NOTCH2: variants seen among roughly 807,000 people sequenced by gnomAD.
NOTCH2 encodes neurogenic locus notch homolog protein 2.
A neutral mutation model predicts 235.8 loss-of-function variants in NOTCH2; 29 were observed. The ratio of observed to expected loss-of-function variants is 0.12; its 90% CI spans 0.09 to 0.17. NOTCH2 has a LOEUF of 0.17. NOTCH2 is among the 10% of genes least tolerant of loss of function. The pLI is 1.00. For synonymous variants in NOTCH2, 1,086 were observed against 1,141.5 expected, an observed-to-expected ratio of 0.95 and a Z score of 0.98; for missense variants, 2,285 against 3,150.2, an observed-to-expected ratio of 0.73 and a Z score of 6.57.
chr1:119,959,954 A>G (rs1482371618), intron 11 of NOTCH2, among the ~76,000 whole-genome samples: 1 of 152,248 alleles, frequency 6.6e-6, no homozygotes, highest in African/African-American at 2.4e-5. Context: ...AGTAATGTCT[A>G]CTACTCCATG....
At chr1:119,988,779 C>T (rs1477780549) in intron 4 of NOTCH2, among the ~76,000 whole-genome samples, 8 of 152,172 alleles carry the variant, frequency 5.3e-5, no homozygotes, top group African/African-American at 1.9e-4. Flanking sequence ...TCATCCTCCC[C>T]TAACTCGATC....
intron 32 of NOTCH2, among the ~76,000 whole-genome samples, 169 bp from the exon 33 acceptor site, chr1:119,917,931 ATACTTCAG>A (rs1290863996): frequency 1.3e-5 from 2 of 152,182 alleles, no homozygotes; most frequent in African/African-American, 4.8e-5. Flanking sequence ...TGTTCTAGAA[ATACTTCAG>A]TACAGGCTGC....
At chr1:120,014,168 T>C (rs1256029784) in intron 2 of NOTCH2, among the ~76,000 whole-genome samples, 16 of 152,284 alleles carry the variant, frequency 1.1e-4, no homozygotes, top group East Asian at 3.9e-4. Flanking sequence ...ACAGATGAGG[T>C]TGTGAATACA....
rs1553195619 is a variant in NOTCH2 at position 119,935,477 on chromosome 1, G to A, written c.3650C>T (p.Thr1217Ile). Residue 1217 changes from threonine (T) to isoleucine (I), a missense_variant, in exon 22 of 34, where the codon ACT becomes ATT. Around this residue, in one of 6 missense-constraint regions of NOTCH2, gnomAD observed 1,173 missense variants for 1,515.3 expected, o/e 0.77. Coordinates refer to ENST00000256646, the MANE Select transcript of NOTCH2 (RefSeq NM_024408.4). ...NHFKCSCPPGTRGLLCEENID... is the reference protein window; with the variant it reads ...NHFKCSCPPGIRGLLCEENID... Reference sequence around the variant, plus strand: ...GGATAAGGATGATTTCATACCCCGAGTGCCTGGTGGGCAAGAGCACTTGAA... The same window carrying A: ...GGATAAGGATGATTTCATACCCCGAATGCCTGGTGGGCAAGAGCACTTGAA... The A allele has an allele frequency of 1.9e-6, 3 of 1,614,196 alleles. No individual in the cohort carries two copies. Among genetic ancestry groups the A allele is most frequent in the Non-Finnish European group, 8.5e-7 (1 of 1,180,030 alleles).
intron 22 of NOTCH2, among the ~76,000 whole-genome samples, chr1:119,932,754 A>T (rs188221896): frequency 2.6e-5 from 4 of 152,314 alleles, no homozygotes; most frequent in Non-Finnish European, 5.9e-5. Flanking sequence ...CTATCTTCAG[A>T]GTAAAAAGTA....
At chr1:120,063,395 A>G (rs1553216562) in intron 1 of NOTCH2, among the ~76,000 whole-genome samples, 2 of 151,540 alleles carry the variant, frequency 1.3e-5, no homozygotes, top group South Asian at 2.1e-4. Flanking sequence ...GGCTGAGGAC[A>G]GAATTCTTTA....
intron 5 of NOTCH2, among the ~76,000 whole-genome samples, chr1:119,977,095 G>A (rs1570708992): frequency 6.6e-6 from 1 of 152,190 alleles, no homozygotes; most frequent in South Asian, 2.1e-4. Context: ...GGGGGTAGCT[G>A]TTTACCTCAT....
chr1:120,069,145 G>A (rs1195399936), intron 1 of NOTCH2, 189 bp downstream of exon 1: 18 of 1,527,016 alleles, frequency 1.2e-5, no homozygotes, highest in Non-Finnish European at 1.6e-5. Context: ...GGGAACCCCG[G>A]CGGTTGGCGG....
chr1:119,959,527 C>G (rs1463376835), intron 11 of NOTCH2, 25 bp from the exon 12 acceptor site: 4 of 1,224,356 alleles, frequency 3.3e-6, no homozygotes, highest in Non-Finnish European at 4.8e-6. Flanking sequence ...CCAACGGAAA[C>G]CATTCAATGT....
At chr1:119,944,491 C>T (rs1315116809) in intron 17 of NOTCH2, among the ~76,000 whole-genome samples, 1 of 147,912 alleles carries the variant, frequency 6.8e-6, no homozygotes, top group African/African-American at 2.5e-5. Flanking sequence ...GCCAAGTTCA[C>T]GCCACTGCAC....
rs2101161805 is a variant in NOTCH2 at position 119,925,385 on chromosome 1, G to A, written c.4431C>T (p.Asn1477=). ...SSPLPCWDYI[N]NQCDELCNTV... ...TGTTGCACAGCTCATCACACTGGTT[G>A]TTGATATAATCCCAGCAGGGAAGTG... Residue 1477 remains asparagine (N), a synonymous_variant, in exon 25 of 34, where the codon AAC becomes AAT. Transcript: ENST00000256646. 1 of 1,614,212 alleles carries A rather than the reference G, an allele frequency of 6.2e-7. No individual in the cohort carries two copies. Among genetic ancestry groups the A allele is most frequent in the Non-Finnish European group, 8.5e-7 (1 of 1,180,046 alleles).
intron 19 of NOTCH2, among the ~76,000 whole-genome samples, chr1:119,938,578 A>G (rs1012663692): frequency 6.6e-6 from 1 of 152,108 alleles, no homozygotes; most frequent in Non-Finnish European, 1.5e-5. Flanking sequence ...ACTAACCAAT[A>G]TGGCAGGCTT....
intron 17 of NOTCH2, among the ~76,000 whole-genome samples, chr1:119,947,101 A>G (rs1457582614): frequency 6.6e-6 from 1 of 152,172 alleles, no homozygotes; most frequent in Non-Finnish European, 1.5e-5. Context: ...ACCACAGTAG[A>G]TAAACCTCAA....
chr1:120,062,512 AG>A (rs1655349784), intron 1 of NOTCH2, among the ~76,000 whole-genome samples: 1 of 19,100 alleles, frequency 5.2e-5, no homozygotes. Flanking sequence ...CCCTGACTGC[AG>A]GAAACTGCTT....
At chr1:119,921,451 C>T (rs587627387) in intron 29 of NOTCH2, among the ~76,000 whole-genome samples, 1 of 152,348 alleles carries the variant, frequency 6.6e-6, no homozygotes, top group East Asian at 1.9e-4. Context: ...GACTTGACTA[C>T]TGCCAGCATA....
chr1:119,984,494 G>GTTAGTTAA (rs1651936979), intron 5 of NOTCH2, among the ~76,000 whole-genome samples: 1 of 152,154 alleles, frequency 6.6e-6, no homozygotes, highest in Admixed American at 6.6e-5. Flanking sequence ...GTATTTGGAT[G>GTTAGTTAA]CTAATAAACA....
chr1:119,918,259 T>G (rs1405610846), intron 32 of NOTCH2, 147 bp downstream of exon 32: 5 of 927,818 alleles, frequency 5.4e-6, no homozygotes, highest in Admixed American at 1.9e-5. Flanking sequence ...GAGCTCAGCA[T>G]GTTAAATAAA....
chr1:119,912,904 A>G lies in NOTCH2; in HGVS notation c.*2402T>C, dbSNP rs1354868505. ...CAGCTTTCACATTCCCTTTCTCCAA[A>G]CCCAAAGGATCCAAATTAAAGTAGT... On this transcript the variant is annotated 3_prime_UTR_variant, in exon 34 of 34. Coordinates refer to ENST00000256646, the MANE Select transcript of NOTCH2 (RefSeq NM_024408.4). 4.3e-6 allele frequency: 1 copy of G among 233,448 alleles called. No individual in the cohort carries two copies. The highest frequency in any genetic ancestry group is 2.2e-5 in the African/African-American group (1 of 45,332). 14.5% of individuals were successfully genotyped at this position (233,448 alleles called of 1,614,324 possible). A position where few individuals can be genotyped will look rare whatever the true frequency, so the allele number is the denominator to read the frequency against.
At chr1:119,937,555 G>T (rs1553195913) in intron 20 of NOTCH2, 89 bp from the exon 21 acceptor site, 38 of 1,237,310 alleles carry the variant, frequency 3.1e-5, no homozygotes, top group Non-Finnish European at 4.3e-5. Context: ...ATCTAAACTG[G>T]CTGACACATC....
Sources: gnomAD v4.1 joint callset for allele counts (sites outside exome capture counted in the v4.1 genomes callset) on GRCh38, gnomAD v4.1.1 for gene constraint, gnomAD v4.1.1 regional missense constraint, MANE v1.5 for transcripts, NCBI Gene and HGNC (gene_info 2026-07-23, HGNC 2026-07-21) for gene names.